Variants in SEMA4D observed in about 807,000 individuals in gnomAD.
SEMA4D encodes the protein semaphorin-4D.
In SEMA4D, 22 loss-of-function variants were observed where a neutral mutation model predicts 74.8. That is an observed-to-expected ratio of 0.29 (90% CI 0.21 to 0.42). The LOEUF (loss-of-function observed/expected upper bound fraction) is 0.42. Among genes scored for constraint, SEMA4D ranks in the 10% least tolerant of loss-of-function variants. SEMA4D has a pLI of 1.00. For missense variants in SEMA4D, 937 were observed against 1,118.4 expected, an observed-to-expected ratio of 0.84 and a Z score of 2.31; for synonymous variants, 445 against 463.7, an observed-to-expected ratio of 0.96 and a Z score of 0.52.
In SEMA4D at chr9:89,449,971, G is replaced by A. The variant is rs1333018726; in HGVS notation, c.-244+5917C>T. On this transcript the variant is annotated intron_variant, in intron 2 of 15. Transcript: ENST00000422704. ...GCTCAGGGGACCCAAGTAACAGGGA[G>A]GAAAGCAGATGTTATTAAGGCAGCT... The A allele has an allele frequency of 1.2e-5, 18 of 1,541,818 alleles. No homozygotes were observed. In the African/African-American group the frequency reaches 2.3e-4, roughly 20 times the overall value.
chr9:89,469,862 C>T (rs1859738331), intron 1 of SEMA4D, among the ~76,000 whole-genome samples: 1 of 152,204 alleles, frequency 6.6e-6, no homozygotes, highest in East Asian at 1.9e-4. Flanking sequence ...CAAGGATGTG[C>T]TCTCACTACT....
At position 89,484,122 on chromosome 9, in the gene SEMA4D, G is replaced by A. The variant is rs1475123548; in HGVS notation, c.-310+13797C>T. 6.6e-6 allele frequency among the ~76,000 whole-genome samples: 1 copy of A among 152,252 alleles called. No individual in the cohort carries two copies. The highest frequency in any genetic ancestry group is 1.5e-5 in the Non-Finnish European group (1 of 68,042). ...GGGCTTCCGGGCTCCCCCAGGAACTGGAGCCTTAAAGAGGACGCCGCGGCC... is the reference window on the plus strand; with the variant it reads ...GGGCTTCCGGGCTCCCCCAGGAACTAGAGCCTTAAAGAGGACGCCGCGGCC... On this transcript the variant is annotated intron_variant, in intron 1 of 15. Coordinates refer to ENST00000422704, the MANE Select transcript of SEMA4D (RefSeq NM_001371194.2). This position sits in a 1 kb window ranked among gnomAD's most constrained non-coding sequence, Gnocchi z 4.1.
Position 89,399,306 on chromosome 9 carries a change from T to C in SEMA4D, c.285A>G (p.Ala95=). The C allele has an allele frequency of 1.2e-6, 2 of 1,613,962 alleles. No individual in the cohort carries two copies. Among genetic ancestry groups the C allele is most frequent in the Non-Finnish European group, 1.7e-6 (2 of 1,179,760 alleles). ...VYWKVSEDKK[A]KCAEKGKSKQ... ...TTGATTTCCCCTTTTCTGCACATTT[T>C]GCTTTTTTGTCTTCTGAGACCTTCC... Residue 95 remains alanine (A), a synonymous_variant, in exon 5 of 16, where the codon GCA becomes GCG. Transcript: ENST00000422704.
At chr9:89,440,794 G>A (rs977155215) in intron 2 of SEMA4D, among the ~76,000 whole-genome samples, 4 of 152,334 alleles carry the variant, frequency 2.6e-5, no homozygotes, top group Middle Eastern at 3.4e-3. Context: ...ATGTGCTTGC[G>A]TGTGTGTGAT....
At position 89,381,162 on chromosome 9, in the gene SEMA4D, C is replaced by A. The variant is rs778095009; in HGVS notation, c.1619+12G>T. The A allele has an allele frequency of 6.2e-7, 1 of 1,614,116 alleles. No homozygotes were observed. Among genetic ancestry groups the A allele is most frequent in the Non-Finnish European group, 8.5e-7 (1 of 1,180,010 alleles). On this transcript the variant is annotated intron_variant, in intron 14 of 15. Transcript: ENST00000422704. This position sits in a 1 kb window ranked among gnomAD's most constrained non-coding sequence, Gnocchi z 4.6. ...TGGGGGACATCCCCAGGCAGCGCAT[C>A]CCGCCCCATACCTGCTGGGGCTCTC... is the stretch of plus-strand genomic sequence containing the variant.
At chr9:89,430,146 C>A (rs530283558) in intron 2 of SEMA4D, among the ~76,000 whole-genome samples, 2 of 152,112 alleles carry the variant, frequency 1.3e-5, no homozygotes, top group East Asian at 3.9e-4. Flanking sequence ...GGAAATATTT[C>A]ACACAGGGAA....
chr9:89,369,370 CA>C (rs1212507412), intron 16 of SEMA4D: 5 of 152,230 alleles, frequency 3.3e-5, no homozygotes, highest in African/African-American at 1.2e-4. Flanking sequence ...ATCCCAAATC[CA>C]AATATCTAAA....
intron 11 of SEMA4D, 63 bp from the exon 12 acceptor site, chr9:89,387,671 C>T: frequency 2.1e-6 from 3 of 1,447,068 alleles, no homozygotes; most frequent in South Asian, 2.3e-5. Flanking sequence ...GGTGCTTCCA[C>T]ACAAGCAGCC....
intron 2 of SEMA4D, among the ~76,000 whole-genome samples, chr9:89,412,831 G>T (rs1474866713): frequency 6.6e-6 from 1 of 150,922 alleles, no homozygotes; most frequent in East Asian, 1.9e-4. Context: ...ACACTGGAGG[G>T]TTTTTTTTTC....
At chr9:89,425,405 G>A (rs560970131) in intron 2 of SEMA4D, among the ~76,000 whole-genome samples, 5 of 152,330 alleles carry the variant, frequency 3.3e-5, no homozygotes, top group South Asian at 2.1e-4. Context: ...ACTAACACCC[G>A]CCATAAGGCA....
Position 89,386,410 on chromosome 9 carries a change from TG to T in SEMA4D, c.1402del (p.Gln468ArgfsTer75), listed in dbSNP as rs1296458130. On this transcript the variant is annotated frameshift_variant, in exon 13 of 16. Coordinates refer to ENST00000422704, the MANE Select transcript of SEMA4D (RefSeq NM_001371194.2). LOFTEE classifies it high-confidence loss of function. ...VHIIEETQLF[Q>X]DFEPVQTLLL... Reference sequence around the variant, plus strand: ...CAGGGTCTGGACTGGCTCAAAGTCCTGGAAGAGCTGGGTCTCCTCGATGATG... The same window carrying T: ...CAGGGTCTGGACTGGCTCAAAGTCCTGAAGAGCTGGGTCTCCTCGATGATG... The T allele has an allele frequency of 6.2e-7, 1 of 1,613,970 alleles. No homozygotes were observed. Among genetic ancestry groups the T allele is most frequent in the Non-Finnish European group, 8.5e-7 (1 of 1,179,984 alleles).
intron 16 of SEMA4D, chr9:89,369,331 C>T (rs1416022193): frequency 1.3e-5 from 2 of 152,204 alleles, no homozygotes; most frequent in African/African-American, 4.8e-5. Context: ...GCTCTGATTT[C>T]TAACACTGTA....
Position 89,396,728 on chromosome 9 carries a change from C to T in SEMA4D, c.414+9G>A, listed in dbSNP as rs377622212. 1 of 1,610,990 alleles carries T rather than the reference C, an allele frequency of 6.2e-7. No individual in the cohort carries two copies. ...GGCGTGAGCACAGGGAGGTGCCCAT[C>T]AGCCTTACCAGGTGGTCACAGGCCG... On this transcript the variant is annotated intron_variant, in intron 6 of 15. Coordinates refer to ENST00000422704, the MANE Select transcript of SEMA4D (RefSeq NM_001371194.2).
intron 13 of SEMA4D, among the ~76,000 whole-genome samples, chr9:89,384,046 C>T (rs996921099): frequency 1.8e-4 from 27 of 152,314 alleles, no homozygotes; most frequent in African/African-American, 6.3e-4. Flanking sequence ...CCCTCTGCCA[C>T]GCTAGCTGTA....
intron 1 of SEMA4D, among the ~76,000 whole-genome samples, chr9:89,486,042 A>C (rs1224970339): frequency 1.3e-5 from 2 of 152,188 alleles, no homozygotes; most frequent in African/African-American, 4.8e-5. Flanking sequence ...AGAGTTTGGC[A>C]TATCATTTAT....
chr9:89,416,648 C>G (rs1486129063), intron 2 of SEMA4D, among the ~76,000 whole-genome samples: 1 of 152,200 alleles, frequency 6.6e-6, no homozygotes, highest in Middle Eastern at 3.2e-3. Context: ...CGTGGACAGA[C>G]AGCCAACTGT....
intron 1 of SEMA4D, among the ~76,000 whole-genome samples, chr9:89,470,800 A>C (rs1176105256): frequency 6.6e-6 from 1 of 152,244 alleles, no homozygotes; most frequent in African/African-American, 2.4e-5. Context: ...CAATCTCAAA[A>C]GGCTATGTAC....
chr9:89,421,994 CTAAAA>C, intron 2 of SEMA4D, among the ~76,000 whole-genome samples: 1 of 152,234 alleles, frequency 6.6e-6, no homozygotes, highest in Non-Finnish European at 1.5e-5. Context: ...GGTTTTCTAA[CTAAAA>C]TATTTTAAAT....
chr9:89,469,526 A>G (rs1859649523), intron 1 of SEMA4D, among the ~76,000 whole-genome samples: 1 of 152,236 alleles, frequency 6.6e-6, no homozygotes, highest in African/African-American at 2.4e-5. Context: ...ATCCTCAACC[A>G]AATATTAGCA....
Sources: allele counts gnomAD v4.1 joint callset (sites outside exome capture counted in the v4.1 genomes callset), GRCh38; gene constraint gnomAD v4.1.1; non-coding constraint Gnocchi (gnomAD v3.1); transcripts MANE v1.5; gene names NCBI Gene and HGNC (gene_info 2026-07-23, HGNC 2026-07-21).